The following BNC2 variants were observed in gnomAD, a reference collection of about 807,000 sequenced individuals.
The protein encoded by BNC2 is zinc finger protein basonuclin-2.
BNC2 carries 20 observed loss-of-function variants against 76.3 expected under a neutral mutation model. The ratio of observed to expected loss-of-function variants is 0.26; its 90% CI spans 0.18 to 0.38. BNC2 has a LOEUF of 0.38. BNC2 is among the 10% of genes least tolerant of loss of function. BNC2 has a pLI of 1.00. For synonymous variants in BNC2, 582 were observed against 514.8 expected, an observed-to-expected ratio of 1.13 and a Z score of -1.77; for missense variants, 1,382 against 1,399.8, an observed-to-expected ratio of 0.99 and a Z score of 0.20.
At chr9:16,582,554 T>C (rs1028035669) in intron 4 of BNC2, among the ~76,000 whole-genome samples, 3 of 152,176 alleles carry the variant, frequency 2.0e-5, no homozygotes, top group African/African-American at 7.2e-5. Flanking sequence ...TCTAGAAGGA[T>C]AAGCTCAGCC....
At chr9:16,597,031 G>A (rs1820108299) in intron 3 of BNC2, among the ~76,000 whole-genome samples, 1 of 151,996 alleles carries the variant, frequency 6.6e-6, no homozygotes, top group Non-Finnish European at 1.5e-5. Context: ...ACAACAAAAA[G>A]AAATCATTTC....
intron 5 of BNC2, among the ~76,000 whole-genome samples, chr9:16,463,456 C>G (rs1464108507): frequency 1.4e-5 from 2 of 147,188 alleles, no homozygotes; most frequent in African/African-American, 5.3e-5. Flanking sequence ...GCCACTACGC[C>G]CGGCTAATTT....
intron 4 of BNC2, among the ~76,000 whole-genome samples, chr9:16,559,266 A>AT (rs112862960): frequency 0.089 from 13,415 of 151,390 alleles, 1,316 homozygotes; most frequent in African/African-American, 0.23. Context: ...CTTAAATGAG[A>AT]TTTTTTTTTG....
chr9:16,661,120 T>TA (rs952124341), intron 3 of BNC2, among the ~76,000 whole-genome samples: 3 of 152,194 alleles, frequency 2.0e-5, no homozygotes, highest in Middle Eastern at 3.2e-3. Context: ...CGTCATGTGG[T>TA]AAAATTGATT....
chr9:16,531,245 T>G (rs1817965453), intron 5 of BNC2, among the ~76,000 whole-genome samples: 2 of 152,174 alleles, frequency 1.3e-5, no homozygotes, highest in Non-Finnish European at 2.9e-5. Flanking sequence ...CAGGGCTACT[T>G]AAACCAAACA....
At chr9:16,730,376 G>A (rs1824470249) in intron 2 of BNC2, among the ~76,000 whole-genome samples, 1 of 152,130 alleles carries the variant, frequency 6.6e-6, no homozygotes, top group Non-Finnish European at 1.5e-5. Context: ...GCAAGCCCAA[G>A]CAAGGTGGCA....
At position 16,803,031 on chromosome 9, in the gene BNC2, C is replaced by A. The variant is rs1314549677; in HGVS notation, c.4-64546G>T. Among the ~76,000 whole-genome samples, 2 of 152,178 alleles carry A rather than the reference C, an allele frequency of 1.3e-5. 1 individual carries two copies. The highest frequency in any genetic ancestry group is 3.9e-4 in the East Asian group (2 of 5,188). ...TAATATTCTCCCCAAGTGTCTCTCA[C>A]TTCATAATCTATCTACAAGTGAACC... On this transcript the variant is annotated intron_variant, in intron 1 of 6. Coordinates refer to ENST00000380672, the MANE Select transcript of BNC2 (RefSeq NM_017637.6).
chr9:16,813,504 A>G (rs919826879), intron 1 of BNC2, among the ~76,000 whole-genome samples: 2 of 151,992 alleles, frequency 1.3e-5, no homozygotes, highest in African/African-American at 4.8e-5. Context: ...TGACCTCATG[A>G]TCCGCCCACC....
chr9:16,686,910 T>C (rs932264951), intron 3 of BNC2, among the ~76,000 whole-genome samples: 4 of 152,200 alleles, frequency 2.6e-5, no homozygotes, highest in Non-Finnish European at 5.9e-5. Context: ...TAAGGTGAAA[T>C]GGACAGAGTG....
At chr9:16,685,552 T>C (rs1822950694) in intron 3 of BNC2, 1 of 1,303,972 alleles carries the variant, frequency 7.7e-7, no homozygotes, top group Admixed American at 2.3e-5. Context: ...AACCTGGACT[T>C]CCAGCCTGTG....
chr9:16,721,150 C>G (rs1179619052), intron 3 of BNC2, among the ~76,000 whole-genome samples: 1 of 152,188 alleles, frequency 6.6e-6, no homozygotes, highest in Non-Finnish European at 1.5e-5. Context: ...GGGATGCCAT[C>G]TGCACATTTT....
intron 5 of BNC2, among the ~76,000 whole-genome samples, chr9:16,538,912 CGT>C (rs1818209650): frequency 6.6e-6 from 1 of 152,172 alleles, no homozygotes; most frequent in Admixed American, 6.5e-5. Context: ...ATCATACTTA[CGT>C]TTTCATTAGA....
chr9:16,468,048 T>C (rs1172032007), intron 5 of BNC2, among the ~76,000 whole-genome samples: 1 of 148,890 alleles, frequency 6.7e-6, no homozygotes, highest in East Asian at 1.9e-4. Flanking sequence ...CTCTTTTTTT[T>C]TTTTTTTTTT....
At chr9:16,780,046 C>G (rs957133927) in intron 1 of BNC2, among the ~76,000 whole-genome samples, 3 of 150,416 alleles carry the variant, frequency 2.0e-5, no homozygotes, top group East Asian at 2.0e-4. Context: ...ACCATCCTGG[C>G]TAACATGGTG....
intron 5 of BNC2, among the ~76,000 whole-genome samples, chr9:16,509,257 A>G (rs1461167840): frequency 6.6e-6 from 1 of 152,236 alleles, no homozygotes. Flanking sequence ...CTTCTCTTAC[A>G]GATCACCTCA....
intron 3 of BNC2, among the ~76,000 whole-genome samples, chr9:16,670,903 T>G (rs900642482): frequency 3.3e-5 from 5 of 152,184 alleles, no homozygotes; most frequent in African/African-American, 9.7e-5. Context: ...TCTAGCCGCA[T>G]GAACCAACTT....
chr9:16,594,979 G>A (rs1820027003), intron 3 of BNC2, among the ~76,000 whole-genome samples: 1 of 152,100 alleles, frequency 6.6e-6, no homozygotes, highest in Non-Finnish European at 1.5e-5. Flanking sequence ...AAAGGTTTAA[G>A]CAACTTGAAA....
At chr9:16,496,720 CT>C (rs954206566) in intron 5 of BNC2, among the ~76,000 whole-genome samples, 3 of 152,044 alleles carry the variant, frequency 2.0e-5, no homozygotes, top group African/African-American at 7.2e-5. Flanking sequence ...GGATCCATAT[CT>C]TTTTTAAAGA....
At chr9:16,623,535 C>A (rs1287641133) in intron 3 of BNC2, among the ~76,000 whole-genome samples, 3 of 152,298 alleles carry the variant, frequency 2.0e-5, no homozygotes, top group Non-Finnish European at 2.9e-5. Flanking sequence ...TAAACAACTA[C>A]ACTTTGTAAA....
Sources: gnomAD v4.1 joint callset for allele counts (sites outside exome capture counted in the v4.1 genomes callset) on GRCh38, gnomAD v4.1.1 for gene constraint, MANE v1.5 for transcripts, NCBI Gene and HGNC (gene_info 2026-07-23, HGNC 2026-07-21) for gene names.